The following PRMT5 variants were observed in gnomAD, a reference collection of about 807,000 sequenced individuals.
The protein encoded by PRMT5 is protein arginine methyltransferase 5.
A neutral mutation model predicts 84.0 loss-of-function variants in PRMT5; 15 were observed. The ratio of observed to expected loss-of-function variants is 0.18; its 90% CI spans 0.12 to 0.28. The LOEUF (loss-of-function observed/expected upper bound fraction) is 0.28. Among genes scored for constraint, PRMT5 ranks in the 10% least tolerant of loss-of-function variants. The pLI, the probability that PRMT5 is intolerant of heterozygous loss-of-function variation, is 1.00. For missense variants in PRMT5, 486 were observed against 808.0 expected, an observed-to-expected ratio of 0.60 and a Z score of 4.83; for synonymous variants, 276 against 292.4, an observed-to-expected ratio of 0.94 and a Z score of 0.57.
At chr14:22,926,852 G>T in intron 4 of PRMT5, 38 bp from the exon 5 acceptor site, 1 of 1,435,632 alleles carries the variant, frequency 7.0e-7, no homozygotes, top group Non-Finnish European at 9.8e-7. Flanking sequence ...ACTCTCTTTT[G>T]AACTCATTGG....
At chr14:22,925,932 C>T (rs563785079) in intron 7 of PRMT5, among the ~76,000 whole-genome samples, 49 of 152,282 alleles carry the variant, frequency 3.2e-4, no homozygotes, top group Non-Finnish European at 6.0e-4. Flanking sequence ...GCAAAGTTCT[C>T]ATGAGGTTTG....
Position 22,929,049 on chromosome 14 carries a change from T to C in PRMT5, c.110+203A>G, listed in dbSNP as rs2044489154. The C allele has an allele frequency of 2.3e-6, 3 of 1,312,196 alleles. No homozygotes were observed. In the Admixed American group the frequency reaches 5.9e-5, roughly 26 times the overall value. 81.3% of individuals were successfully genotyped at this position (1,312,196 alleles called of 1,614,324 possible). A position where few individuals can be genotyped will look rare whatever the true frequency, so the allele number is the denominator to read the frequency against. On this transcript the variant is annotated intron_variant, in intron 1 of 16. Coordinates refer to ENST00000324366, the MANE Select transcript of PRMT5 (RefSeq NM_006109.5). ...GTTTACCCAACAACTCTCCCAACTTTGGGACTCAGTGACCACAGGCCTCCC... is the reference window on the plus strand; with the variant it reads ...GTTTACCCAACAACTCTCCCAACTTCGGGACTCAGTGACCACAGGCCTCCC...
At position 22,925,048 on chromosome 14, in the gene PRMT5, A is replaced by C; in HGVS notation, c.778-8T>G. On this transcript the variant is annotated splice_polypyrimidine_tract_variant and splice_region_variant and intron_variant, in intron 7 of 16. Transcript: ENST00000324366. Reference sequence around the variant, plus strand: ...GATGAACTGCACCTCCAACTGTGAGAAAAGTCAGACCATCAGACACAGCCC... The same window carrying C: ...GATGAACTGCACCTCCAACTGTGAGCAAAGTCAGACCATCAGACACAGCCC... 6.2e-7 allele frequency: 1 copy of C among 1,613,566 alleles called. No individual in the cohort carries two copies.
chr14:22,922,582 G>T, intron 14 of PRMT5, 23 bp from the exon 15 acceptor site: 1 of 1,584,826 alleles, frequency 6.3e-7, no homozygotes, highest in Admixed American at 1.7e-5. Flanking sequence ...AATTATGTGG[G>T]TGACAAGGGG....
rs756206882 is a variant in PRMT5 at position 22,922,850 on chromosome 14, A to AAG, written c.1486-17_1486-16dup. ...TCAAACTGGGCCTGTCAGAGACAGA[A>AAG]AGAGAGAGAGAGTGTTGGGGAAGAC... On this transcript the variant is annotated splice_polypyrimidine_tract_variant and intron_variant, in intron 13 of 16. Transcript: ENST00000324366. 1.6e-5 allele frequency: 25 copies of AAG among 1,609,006 alleles called. No homozygotes were observed. In the South Asian group the frequency reaches 1.7e-4, roughly 11 times the overall value.
At position 22,924,154 on chromosome 14, in the gene PRMT5, C is replaced by G. The variant is rs1170746327; in HGVS notation, c.1229G>C (p.Gly410Ala). The G allele has an allele frequency of 1.2e-6, 2 of 1,611,364 alleles. No individual in the cohort carries two copies. Among genetic ancestry groups the G allele is most frequent in the Middle Eastern group, 1.7e-4 (1 of 6,038 alleles). ...TGATGAGACTACGGTCACTTGGCTT[C>G]CCCATTCTTCAAACTGCCAGTTCTC... ...TLENWQFEEW[G>A]SQVTVVSSDM... Residue 410 changes from glycine (G) to alanine (A), a missense_variant, in exon 12 of 17, where the codon GGA becomes GCA. By Grantham distance (60) the Gly-to-Ala change is moderately conservative. Coordinates refer to ENST00000324366, the MANE Select transcript of PRMT5 (RefSeq NM_006109.5). This position sits in a 1 kb window ranked among gnomAD's most constrained non-coding sequence, Gnocchi z 6.5.
In PRMT5 at chr14:22,920,602, G is replaced by A. The variant is rs538267926; in HGVS notation, c.*302C>T. On this transcript the variant is annotated 3_prime_UTR_variant, in exon 17 of 17. Transcript: ENST00000324366. ...ATCAAAACAAGAACAGAAAAAGGCT[G>A]AAAATCCGTTCAAACCCCATGTTCT... is the stretch of plus-strand genomic sequence containing the variant. 5 of 594,458 alleles carry A rather than the reference G, an allele frequency of 8.4e-6. No homozygotes were observed. Among genetic ancestry groups the A allele is most frequent in the Non-Finnish European group, 1.3e-5 (4 of 308,192 alleles). The allele number at this position is 594,458 out of a possible 1,614,324, so 36.8% of individuals were successfully genotyped here.
rs1465201073 is a variant in PRMT5, at chr14:22,922,182, A to T, written c.1755T>A (p.Pro585=). Residue 585 remains proline (P), a synonymous_variant, in exon 16 of 17, where the codon CCT becomes CCA. Coordinates refer to ENST00000324366, the MANE Select transcript of PRMT5 (RefSeq NM_006109.5). ...GMFSWFPILF[P]IKQPITVREG... is the part of the protein sequence containing the mutation. ...TCTTAAAAGCAGTTCCTACCTTAAT[A>T]GGGAAGAGGATGGGAAACCATGAGA... 2 of 1,576,352 alleles carry T rather than the reference A, an allele frequency of 1.3e-6. No individual in the cohort carries two copies. The highest frequency in any genetic ancestry group is 2.2e-5 in the South Asian group (2 of 90,220).
chr14:22,926,751 G>C lies in PRMT5; in HGVS notation c.514C>G (p.Pro172Ala). 6.2e-7 allele frequency: 1 copy of C among 1,614,056 alleles called. No homozygotes were observed. Among genetic ancestry groups the C allele is most frequent in the Non-Finnish European group, 8.5e-7 (1 of 1,180,000 alleles). The change falls in exon 5 of 17, where the codon CCA (proline) becomes GCA (alanine). Residue 172 changes from proline to alanine, a missense_variant. This residue lies in a region of PRMT5 where 215 missense variants were observed against 301.1 expected (regional missense o/e 0.71). Transcript: ENST00000324366. The stretch of plus-strand genomic sequence containing the variant: ...CTGTACTCCTCTGTGTGTGTAGTTG[G>C]TGCATTCTCAATTATATCATCTCTC... ...DLRDDIIENA[P>A]TTHTEEYSGE...
intron 1 of PRMT5, 76 bp downstream of exon 1, chr14:22,929,176 T>A: frequency 6.2e-7 from 1 of 1,613,862 alleles, no homozygotes; most frequent in Non-Finnish European, 8.5e-7. Context: ...CCCCTGCTTC[T>A]CCGGGATGAC....
In PRMT5 at chr14:22,924,612, C is replaced by A; in HGVS notation, c.1017+20G>T. ...TCATGCTGGCCCTGTGCTTTCCTCA[C>A]CCTGGGCACCACACAGTACCTGCTG... is the stretch of plus-strand genomic sequence containing the variant. On this transcript the variant is annotated intron_variant, in intron 9 of 16. Coordinates refer to ENST00000324366, the MANE Select transcript of PRMT5 (RefSeq NM_006109.5). The surrounding 1 kb of genome is among the most constrained non-coding windows in gnomAD (Gnocchi z 6.5). The A allele has an allele frequency of 6.2e-7, 1 of 1,613,548 alleles. No individual in the cohort carries two copies.
chr14:22,927,423 A>G lies in PRMT5; in HGVS notation c.450+103T>C, dbSNP rs555469067. On this transcript the variant is annotated intron_variant, in intron 4 of 16. Transcript: ENST00000324366. ...TGTGCCCGCCAATACTGATACTTCAATTCTGCCAAACACACCCTTCACTGA... is the reference window on the plus strand; with the variant it reads ...TGTGCCCGCCAATACTGATACTTCAGTTCTGCCAAACACACCCTTCACTGA... 24 of 1,504,912 alleles carry G rather than the reference A, an allele frequency of 1.6e-5. No homozygotes were observed. In the Admixed American group the frequency reaches 2.6e-4, roughly 16 times the overall value. 93.2% of individuals were successfully genotyped at this position (1,504,912 alleles called of 1,614,324 possible). A position where few individuals can be genotyped will look rare whatever the true frequency, so the allele number is the denominator to read the frequency against.
At position 22,922,218 on chromosome 14, in the gene PRMT5, A is replaced by G. The variant is rs763541455; in HGVS notation, c.1719T>C (p.Ser573=). 6 of 1,598,582 alleles carry G rather than the reference A, an allele frequency of 3.8e-6. No homozygotes were observed. The highest frequency in any genetic ancestry group is 5.1e-6 in the Non-Finnish European group (6 of 1,165,820). ...TGGGAAACCATGAGAACATCCCAGG[A>G]GAGTGAGTCTCTGGACGGATACCTG... ...ITLSIRPETH[S]PGMFSWFPIL... The change falls in exon 16 of 17, where the codon TCT becomes TCC. Residue 573 remains serine, a synonymous_variant. Coordinates refer to ENST00000324366, the MANE Select transcript of PRMT5 (RefSeq NM_006109.5).
rs1276146925 is a variant in PRMT5 at position 22,925,046 on chromosome 14, AG to A, written c.778-7del. Reference sequence around the variant, plus strand: ...ATGATGAACTGCACCTCCAACTGTGAGAAAAGTCAGACCATCAGACACAGCC... The same window carrying A: ...ATGATGAACTGCACCTCCAACTGTGAAAAAGTCAGACCATCAGACACAGCC... On this transcript the variant is annotated splice_region_variant and splice_polypyrimidine_tract_variant and intron_variant, in intron 7 of 16. Coordinates refer to ENST00000324366, the MANE Select transcript of PRMT5 (RefSeq NM_006109.5). 6.2e-7 allele frequency: 1 copy of A among 1,613,332 alleles called. No individual in the cohort carries two copies. The highest frequency in any genetic ancestry group is 2.2e-5 in the East Asian group (1 of 44,888).
chr14:22,928,020 A>G lies in PRMT5; in HGVS notation c.315+106T>C. The G allele has an allele frequency of 1.9e-6, 2 of 1,032,640 alleles. No individual in the cohort carries two copies. Among genetic ancestry groups the G allele is most frequent in the South Asian group, 3.1e-5 (2 of 65,498 alleles). The allele number at this position is 1,032,640 out of a possible 1,614,324, so 64.0% of individuals were successfully genotyped here. On this transcript the variant is annotated intron_variant, in intron 3 of 16. Coordinates refer to ENST00000324366, the MANE Select transcript of PRMT5 (RefSeq NM_006109.5). This position sits in a 1 kb window ranked among gnomAD's most constrained non-coding sequence, Gnocchi z 4.8. ...CACAGCACCCAGCCTAATAGCTTTA[A>G]TTTCATTCTATCAGTTAATTTACCA...
chr14:22,922,324 C>CACAA (rs3830953), intron 15 of PRMT5, 84 bp from the exon 16 acceptor site: 852,137 of 1,397,280 alleles, frequency 0.61, 266,017 homozygotes, highest in East Asian at 0.79. Flanking sequence ...TCTCTAATCA[C>CACAA]ACAAAGATCT....
chr14:22,924,782 T>C lies in PRMT5; in HGVS notation c.940-73A>G. On this transcript the variant is annotated intron_variant, in intron 8 of 16. Transcript: ENST00000324366. The surrounding 1 kb of genome is among the most constrained non-coding windows in gnomAD (Gnocchi z 6.5). ...CAATGCACTAAAATATCAAAAACTTTCCACTGCTTTCTGAGTTTTAGTAAG... is the reference window on the plus strand; with the variant it reads ...CAATGCACTAAAATATCAAAAACTTCCCACTGCTTTCTGAGTTTTAGTAAG... 1 of 1,589,276 alleles carries C rather than the reference T, an allele frequency of 6.3e-7. No individual in the cohort carries two copies. The highest frequency in any genetic ancestry group is 1.3e-5 in the African/African-American group (1 of 74,096).
At chr14:22,922,664 G>C in intron 14 of PRMT5, 78 bp downstream of exon 14, 3 of 1,520,486 alleles carry the variant, frequency 2.0e-6, no homozygotes, top group Non-Finnish European at 1.8e-6. Flanking sequence ...GGCAGACTAG[G>C]GACAGTAAGG....
intron 3 of PRMT5, among the ~76,000 whole-genome samples, chr14:22,927,883 A>G (rs1466258486): frequency 1.3e-5 from 2 of 151,380 alleles, no homozygotes; most frequent in Non-Finnish European, 1.5e-5. Flanking sequence ...TAATTTTTGT[A>G]TATTTTATAG....
Sources: gnomAD v4.1 joint callset for allele counts (sites outside exome capture counted in the v4.1 genomes callset) on GRCh38, gnomAD v4.1.1 for gene constraint, gnomAD v4.1.1 regional missense constraint, Gnocchi (gnomAD v3.1) non-coding constraint, MANE v1.5 for transcripts, NCBI Gene and HGNC (gene_info 2026-07-23, HGNC 2026-07-21) for gene names.